CLASP1: variants seen among roughly 807,000 people sequenced by gnomAD.
CLASP1 encodes the protein CLIP-associating protein 1.
Under a neutral mutation model 192.3 loss-of-function variants are expected in CLASP1, and 38 were observed. The ratio of observed to expected loss-of-function variants is 0.20; its 90% CI spans 0.15 to 0.26. The LOEUF (loss-of-function observed/expected upper bound fraction) is 0.26. Among genes scored for constraint, CLASP1 ranks in the 10% least tolerant of loss-of-function variants. The pLI, the probability that CLASP1 is intolerant of heterozygous loss-of-function variation, is 1.00. For synonymous variants in CLASP1, 691 were observed against 712.8 expected (o/e 0.97, Z 0.49); for missense variants, 1,433 against 1,932.5 (o/e 0.74, Z 4.85).
chr2:121,485,592 G>A (rs1224320919), intron 8 of CLASP1, among the ~76,000 whole-genome samples: 7 of 152,106 alleles, frequency 4.6e-5, no homozygotes, highest in Non-Finnish European at 1.0e-4. Flanking sequence ...AGCTGGGTAC[G>A]GTGGCTCACG....
intron 37 of CLASP1, among the ~76,000 whole-genome samples, chr2:121,362,110 A>C (rs1452023934): frequency 6.6e-6 from 1 of 152,262 alleles, no homozygotes; most frequent in Non-Finnish European, 1.5e-5. Flanking sequence ...TTCATCCACG[A>C]GTGTGCTCAC....
chr2:121,509,010 G>A (rs923211716), intron 7 of CLASP1, among the ~76,000 whole-genome samples: 1 of 152,134 alleles, frequency 6.6e-6, no homozygotes, highest in Non-Finnish European at 1.5e-5. Flanking sequence ...GACAACTGAA[G>A]AGAGAAATAG....
chr2:121,576,972 C>T (rs1353916231), intron 2 of CLASP1, among the ~76,000 whole-genome samples: 1 of 152,138 alleles, frequency 6.6e-6, no homozygotes, highest in Non-Finnish European at 1.5e-5. Context: ...CATTAAGGGA[C>T]TGGCGGTAAT....
At chr2:121,591,644 T>C (rs1009075755) in intron 2 of CLASP1, among the ~76,000 whole-genome samples, 1 of 152,190 alleles carries the variant, frequency 6.6e-6, no homozygotes, top group African/African-American at 2.4e-5. Context: ...ACCAGGCCAC[T>C]TGTATCTCAG....
At chr2:121,368,636 G>A (rs2149270089) in intron 34 of CLASP1, among the ~76,000 whole-genome samples, 1 of 152,216 alleles carries the variant, frequency 6.6e-6, no homozygotes. Context: ...GTGTGGGCTG[G>A]CTGCTGGCAA....
At chr2:121,424,388 G>A (rs978686949) in intron 22 of CLASP1, among the ~76,000 whole-genome samples, 1 of 152,194 alleles carries the variant, frequency 6.6e-6, no homozygotes, top group East Asian at 1.9e-4. Context: ...CACAATTTAA[G>A]AATACAGTAG....
exon 26 of CLASP1, chr2:121,404,414 A>C: frequency 6.2e-7 from 1 of 1,612,154 alleles, no homozygotes; most frequent in Non-Finnish European, 8.5e-7. Context: ...GATCTCACAC[A>C]ACCTTTTCAG....
chr2:121,545,181 T>G (rs988781749), intron 2 of CLASP1, among the ~76,000 whole-genome samples: 3 of 152,162 alleles, frequency 2.0e-5, no homozygotes, highest in Non-Finnish European at 4.4e-5. Context: ...CCCAAAGTGT[T>G]GGGATTACAG....
chr2:121,473,515 A>T (rs2150000146), intron 8 of CLASP1, among the ~76,000 whole-genome samples: 1 of 152,278 alleles, frequency 6.6e-6, no homozygotes, highest in East Asian at 1.9e-4. Flanking sequence ...CACACACAAC[A>T]CTGCAGGCCT....
intron 2 of CLASP1, among the ~76,000 whole-genome samples, chr2:121,560,335 C>T (rs984014358): frequency 6.6e-6 from 1 of 152,186 alleles, no homozygotes; most frequent in South Asian, 2.1e-4. Context: ...TCCTTAAAAA[C>T]TTACATGCAA....
At chr2:121,491,893 G>A (rs1553591334) in intron 8 of CLASP1, among the ~76,000 whole-genome samples, 1 of 152,132 alleles carries the variant, frequency 6.6e-6, no homozygotes, top group Non-Finnish European at 1.5e-5. Flanking sequence ...AAGCATCAGA[G>A]AACAACATAA....
chr2:121,531,783 G>A (rs542278803), intron 2 of CLASP1, among the ~76,000 whole-genome samples: 41 of 151,468 alleles, frequency 2.7e-4, no homozygotes, highest in African/African-American at 9.7e-4. Context: ...CAGGAGAATC[G>A]CTTGAACCTG....
At chr2:121,372,673 A>G (rs2068998179) in intron 34 of CLASP1, among the ~76,000 whole-genome samples, 1 of 152,196 alleles carries the variant, frequency 6.6e-6, no homozygotes, top group Non-Finnish European at 1.5e-5. Flanking sequence ...GCCCTATTCA[A>G]TCCCACTTCC....
At chr2:121,396,741 G>C (rs1222731993) in intron 30 of CLASP1, among the ~76,000 whole-genome samples, 2 of 152,112 alleles carry the variant, frequency 1.3e-5, no homozygotes, top group Non-Finnish European at 2.9e-5. Flanking sequence ...TCTTTTTTAA[G>C]CATCTATTAC....
chr2:121,391,468 T>A (rs777953743), intron 30 of CLASP1, among the ~76,000 whole-genome samples: 3 of 152,222 alleles, frequency 2.0e-5, no homozygotes, highest in Non-Finnish European at 2.9e-5. Flanking sequence ...AAGACACACA[T>A]GATTGAAAGT....
intron 6 of CLASP1, among the ~76,000 whole-genome samples, chr2:121,525,242 T>A (rs1479426028): frequency 6.6e-6 from 1 of 152,178 alleles, no homozygotes; most frequent in Non-Finnish European, 1.5e-5. Flanking sequence ...CCCAGACTTG[T>A]ACAACTTTGT....
At chr2:121,557,949 T>G (rs1293347317) in intron 2 of CLASP1, among the ~76,000 whole-genome samples, 4 of 150,878 alleles carry the variant, frequency 2.7e-5, no homozygotes, top group Admixed American at 2.6e-4. Flanking sequence ...GGCATGGTGG[T>G]GGGCACCTGT....
At chr2:121,620,954 A>G (rs1390151312) in intron 1 of CLASP1, among the ~76,000 whole-genome samples, 2 of 152,136 alleles carry the variant, frequency 1.3e-5, no homozygotes. Context: ...GAAGCCACGC[A>G]CGGTGGCTCA....
intron 24 of CLASP1, among the ~76,000 whole-genome samples, chr2:121,410,649 A>G (rs2077574049): frequency 1.3e-5 from 2 of 152,218 alleles, no homozygotes; most frequent in Non-Finnish European, 2.9e-5. Context: ...CTTGATGCTA[A>G]TATTTTCTGT....
Sources: allele counts gnomAD v4.1 joint callset (sites outside exome capture counted in the v4.1 genomes callset), GRCh38; gene constraint gnomAD v4.1.1; transcripts MANE v1.5; gene names NCBI Gene and HGNC (gene_info 2026-07-23, HGNC 2026-07-21).